The following ZNF568 variants were observed in gnomAD, a reference collection of about 807,000 sequenced individuals.
ZNF568 encodes the protein zinc finger protein 568.
In ZNF568, 11 loss-of-function variants were observed where a neutral mutation model predicts 18.1. The ratio of observed to expected loss-of-function variants is 0.61; its 90% CI spans 0.38 to 1.00. The LOEUF (loss-of-function observed/expected upper bound fraction) is 1.00, where lower values mean the gene tolerates loss of function less well. Ranked by LOEUF, ZNF568 falls within the 50% of genes least tolerant of loss-of-function variation. The probability of loss-of-function intolerance (pLI) is 0.01; values close to 1 mark genes in which losing one functional copy is unlikely to be tolerated. For synonymous variants in ZNF568, 213 were observed against 246.6 expected (o/e 0.86, Z 1.28); for missense variants, 639 against 768.2 (o/e 0.83, Z 1.99).
downstream of ZNF568, chr19:36,952,748 T>C: frequency 1.5e-6 from 1 of 681,686 alleles, no homozygotes; most frequent in Non-Finnish European, 1.8e-6. Context: ...TATGAATGTT[T>C]ACTTGTAATA....
chr19:36,918,005 G>A (rs1314494408), intron 2 of ZNF568, among the ~76,000 whole-genome samples: 5 of 152,206 alleles, frequency 3.3e-5, no homozygotes, highest in Non-Finnish European at 7.3e-5. Flanking sequence ...CTGGAGTGCA[G>A]TGGCACGGTC....
At chr19:36,936,390 G>A (rs1041187862) in intron 4 of ZNF568, among the ~76,000 whole-genome samples, 4 of 151,096 alleles carry the variant, frequency 2.6e-5, no homozygotes, top group Admixed American at 6.6e-5. Context: ...ATTTGTTTGT[G>A]TTGATTCAAG....
downstream of ZNF568, among the ~76,000 whole-genome samples, chr19:36,955,401 AC>A (rs1359322599): frequency 6.6e-6 from 1 of 151,992 alleles, no homozygotes; most frequent in East Asian, 1.9e-4. Context: ...GGCCTCTCTC[AC>A]CCCAGTAAGA....
At chr19:36,968,689 A>G (rs1283149324) in intron 6 of ZNF568, among the ~76,000 whole-genome samples, 1 of 151,642 alleles carries the variant, frequency 6.6e-6, no homozygotes, top group Non-Finnish European at 1.5e-5. Context: ...GGCCATTACC[A>G]TCTTAGCCAA....
chr19:36,959,097 T>A (rs2074129464), intron 6 of ZNF568, among the ~76,000 whole-genome samples: 1 of 152,210 alleles, frequency 6.6e-6, no homozygotes, highest in African/African-American at 2.4e-5. Flanking sequence ...TTGTTCCAAT[T>A]CTTAGTGGAA....
At chr19:36,934,407 C>T (rs1219521304) in intron 4 of ZNF568, among the ~76,000 whole-genome samples, 3 of 151,362 alleles carry the variant, frequency 2.0e-5, no homozygotes, top group African/African-American at 4.9e-5. Flanking sequence ...CTCCCAGGCT[C>T]AGGTGATCCT....
chr19:36,940,684 A>G (rs1344803915), intron 6 of ZNF568, among the ~76,000 whole-genome samples: 1 of 152,248 alleles, frequency 6.6e-6, no homozygotes, highest in African/African-American at 2.4e-5. Context: ...TGAAGTGTCT[A>G]TTTAGTAAAT....
At chr19:36,955,469 T>TCAGCC (rs1314738916), downstream of ZNF568, among the ~76,000 whole-genome samples, 2 of 152,180 alleles carry the variant, frequency 1.3e-5, no homozygotes, top group East Asian at 3.9e-4. Flanking sequence ...AAAGGGCGTT[T>TCAGCC]TACTGATCTT....
intron 6 of ZNF568, chr19:36,973,346 G>GTT (rs1215882403): frequency 2.0e-5 from 3 of 153,426 alleles, no homozygotes; most frequent in Non-Finnish European, 4.4e-5. Context: ...GTCGTCTGGA[G>GTT]TTTAAAAGAC....
Position 36,977,720 on chromosome 19 carries a change from A to G in ZNF568, c.406-1284A>G, listed in dbSNP as rs17721244. ...AGTTCCCCTTGCACTTCAACCCTTC[A>G]TTGTCTATTTCTCCCTGTATCTTCT... On this transcript the variant is annotated intron_variant, in intron 7 of 7. Transcript: ENST00000427117. Among the ~76,000 whole-genome samples the G allele has an allele frequency of 6.2e-3, 946 of 152,150 alleles. 28 individuals carry two copies. Among genetic ancestry groups the G allele is most frequent in the East Asian group, 0.05 (257 of 5,174 alleles).
intron 6 of ZNF568, among the ~76,000 whole-genome samples, chr19:36,960,110 C>CTTTTTTTT (rs34588591): frequency 1.3e-4 from 11 of 87,676 alleles, no homozygotes; most frequent in Non-Finnish European, 1.5e-4. Flanking sequence ...AATTGTTCTA[C>CTTTTTTTT]TTTTTTTTTT....
intron 2 of ZNF568, among the ~76,000 whole-genome samples, chr19:36,918,018 G>C (rs543842813): frequency 1.3e-5 from 2 of 152,168 alleles, no homozygotes; most frequent in South Asian, 2.1e-4. Context: ...GCACGGTCTC[G>C]GCTCACTGCA....
chr19:36,986,322 A>G (rs1338675905), intron 2 of ZNF568, among the ~76,000 whole-genome samples: 1 of 151,664 alleles, frequency 6.6e-6, no homozygotes, highest in Admixed American at 6.6e-5. Flanking sequence ...AGACCCCCCA[A>G]CTTGGCCAGC....
chr19:36,975,156 T>TTTC (rs1568403723), intron 7 of ZNF568, among the ~76,000 whole-genome samples: 24 of 57,816 alleles, frequency 4.2e-4, no homozygotes, highest in African/African-American at 1.8e-3. Flanking sequence ...TTCTTTCTTT[T>TTTC]TTTTTTTTTT....
At chr19:36,976,777 G>A (rs2146337527) in intron 7 of ZNF568, among the ~76,000 whole-genome samples, 1 of 152,264 alleles carries the variant, frequency 6.6e-6, no homozygotes, top group Non-Finnish European at 1.5e-5. Context: ...AGATGTGGTG[G>A]CGCATGCCTG....
At chr19:36,967,776 C>T (rs1398789635) in intron 6 of ZNF568, among the ~76,000 whole-genome samples, 2 of 152,204 alleles carry the variant, frequency 1.3e-5, no homozygotes, top group South Asian at 4.1e-4. Flanking sequence ...TAAGGCAGGA[C>T]AGTTTGCCAT....
At chr19:36,942,569 A>G (rs1243339622) in intron 6 of ZNF568, among the ~76,000 whole-genome samples, 1 of 141,148 alleles carries the variant, frequency 7.1e-6, no homozygotes, top group Non-Finnish European at 1.5e-5. Flanking sequence ...ACTGCACTCC[A>G]GCCTGGGTGA....
At chr19:36,980,158 T>C (rs1304917797), downstream of ZNF568, 1 of 152,196 alleles carries the variant, frequency 6.6e-6, no homozygotes, top group Non-Finnish European at 1.5e-5. Flanking sequence ...TTATATGTGC[T>C]GTGCATGCTT....
At chr19:36,971,306 C>G (rs1477615026) in intron 6 of ZNF568, among the ~76,000 whole-genome samples, 1 of 147,782 alleles carries the variant, frequency 6.8e-6, no homozygotes, top group Non-Finnish European at 1.5e-5. Flanking sequence ...TTATTTTGCT[C>G]TTGTATATCA....
Sources: allele counts gnomAD v4.1 joint callset (sites outside exome capture counted in the v4.1 genomes callset), GRCh38; gene constraint gnomAD v4.1.1; transcripts MANE v1.5; gene names NCBI Gene and HGNC (gene_info 2026-07-23, HGNC 2026-07-21).